The following CPAMD8 variants were observed in gnomAD, a reference collection of about 807,000 sequenced individuals.
The protein encoded by CPAMD8 is C3 and PZP-like alpha-2-macroglobulin domain-containing protein 8.
Under a neutral mutation model 224.7 loss-of-function variants are expected in CPAMD8, and 146 were observed. The ratio of observed to expected loss-of-function variants is 0.65; its 90% CI spans 0.57 to 0.75. The LOEUF (loss-of-function observed/expected upper bound fraction) is 0.75. Ranked by LOEUF, CPAMD8 falls within the 30% of genes least tolerant of loss-of-function variation. The pLI is 0.00. For missense variants in CPAMD8, 2,301 were observed against 2,537.5 expected (o/e 0.91, Z 2.00); for synonymous variants, 966 against 1,044.6 (o/e 0.92, Z 1.45).
intron 8 of CPAMD8, among the ~76,000 whole-genome samples, chr19:17,003,196 C>A (rs1007990540): frequency 6.6e-6 from 1 of 151,520 alleles, no homozygotes; most frequent in Admixed American, 6.6e-5. Flanking sequence ...AGCTGCCATG[C>A]CTGGCCACCT....
At position 16,904,211 on chromosome 19, in the gene CPAMD8, C is replaced by A. The variant is rs768919131; in HGVS notation, c.4251+15G>T. The A allele has an allele frequency of 9.6e-6, 11 of 1,149,724 alleles. No homozygotes were observed. Among genetic ancestry groups the A allele is most frequent in the Non-Finnish European group, 1.3e-5 (11 of 825,086 alleles). The allele number at this position is 1,149,724 out of a possible 1,614,324, so 71.2% of individuals were successfully genotyped here. On this transcript the variant is annotated intron_variant, in intron 32 of 41. Transcript: ENST00000443236. ...CCCAGCCCTGAGCCCCTCCCTCTGG[C>A]CCTGCCCGGCTCGCCTGAGTGGAGG... is the stretch of plus-strand genomic sequence containing the variant.
chr19:17,014,703 G>T (rs1029942917), intron 3 of CPAMD8, among the ~76,000 whole-genome samples: 3 of 152,172 alleles, frequency 2.0e-5, no homozygotes, highest in Non-Finnish European at 4.4e-5. Flanking sequence ...CATGAGAACA[G>T]TATGGGGGAA....
At chr19:17,021,473 C>G (rs955164876) in intron 2 of CPAMD8, among the ~76,000 whole-genome samples, 1 of 152,208 alleles carries the variant, frequency 6.6e-6, no homozygotes, top group Non-Finnish European at 1.5e-5. Context: ...ACATCATTCT[C>G]GGCATGAGGA....
intron 5 of CPAMD8, 83 bp from the exon 6 acceptor site, chr19:17,009,403 C>T: frequency 1.2e-6 from 2 of 1,608,814 alleles, no homozygotes; most frequent in South Asian, 2.2e-5. Flanking sequence ...GGCCTCGGTC[C>T]CCGGGACAGG....
rs763244978 is a variant in CPAMD8 at position 17,004,398 on chromosome 19, G to C, written c.560-12C>G. The C allele has an allele frequency of 1.9e-6, 3 of 1,571,992 alleles. No individual in the cohort carries two copies. Among genetic ancestry groups the C allele is most frequent in the Non-Finnish European group, 1.8e-6 (2 of 1,141,760 alleles). On this transcript the variant is annotated splice_polypyrimidine_tract_variant and intron_variant, in intron 7 of 41. Coordinates refer to ENST00000443236, the MANE Select transcript of CPAMD8 (RefSeq NM_015692.5). ...CATGTTGGTGATGCCTGTGTGAAGA[G>C]AGAGGGCAAGGGCTTTTTCAGAGAG...
intron 20 of CPAMD8, among the ~76,000 whole-genome samples, chr19:16,951,495 C>T (rs2054295045): frequency 6.6e-6 from 1 of 152,156 alleles, no homozygotes; most frequent in African/African-American, 2.4e-5. Context: ...ATCTAGGTTG[C>T]TTTTATGCTA....
At position 17,006,775 on chromosome 19, in the gene CPAMD8, G is replaced by A. The variant is rs549910832; in HGVS notation, c.559+1730C>T. On this transcript the variant is annotated intron_variant, in intron 7 of 41. Transcript: ENST00000443236. ...GTTGCTGAAAAGGATCCTCCTTCAGGCAGCCTTCCAGGATTGCCTCTGCCA... is the reference window on the plus strand; with the variant it reads ...GTTGCTGAAAAGGATCCTCCTTCAGACAGCCTTCCAGGATTGCCTCTGCCA... Among the ~76,000 whole-genome samples the A allele has an allele frequency of 2.6e-5, 4 of 152,176 alleles. No homozygotes were observed. In the South Asian group the frequency reaches 8.3e-4, roughly 32 times the overall value.
intron 12 of CPAMD8, among the ~76,000 whole-genome samples, chr19:16,990,691 T>C (rs975311601): frequency 1.3e-5 from 2 of 151,676 alleles, no homozygotes; most frequent in Non-Finnish European, 2.9e-5. Context: ...GGTGAAACCC[T>C]GTCTCTACTA....
At chr19:16,962,126 C>G (rs2054678797) in intron 18 of CPAMD8, among the ~76,000 whole-genome samples, 1 of 152,200 alleles carries the variant, frequency 6.6e-6, no homozygotes, top group Admixed American at 6.5e-5. Flanking sequence ...ACCTGCGCGC[C>G]TCTTCTCCTC....
intron 20 of CPAMD8, among the ~76,000 whole-genome samples, chr19:16,950,229 C>A (rs1014381141): frequency 6.6e-6 from 1 of 152,006 alleles, no homozygotes; most frequent in Admixed American, 6.6e-5. Context: ...ACCCGGGAGG[C>A]GGAGGTTGCA....
intron 3 of CPAMD8, among the ~76,000 whole-genome samples, chr19:17,013,652 G>A (rs780774783): frequency 8.1e-4 from 123 of 151,814 alleles, no homozygotes; most frequent in Non-Finnish European, 1.3e-3. Flanking sequence ...CTGGGAGAAG[G>A]GAGTGGGGAG....
At chr19:16,904,186 C>A in intron 32 of CPAMD8, 40 bp downstream of exon 32, 1 of 1,372,988 alleles carries the variant, frequency 7.3e-7, no homozygotes, top group Non-Finnish European at 1.0e-6. Flanking sequence ...ACCCCACCCA[C>A]CCAGCCCTGA....
chr19:17,013,322 A>G (rs2353205), intron 3 of CPAMD8: 108,240 of 151,818 alleles, frequency 0.71, 40,913 homozygotes, highest in South Asian at 0.83. Flanking sequence ...CAGCCCAGCC[A>G]ACATGGTGAA....
chr19:16,918,056 C>T (rs12462569), intron 27 of CPAMD8, among the ~76,000 whole-genome samples: 75,466 of 151,994 alleles, frequency 0.5, 20,334 homozygotes, highest in Non-Finnish European at 0.6. Flanking sequence ...AGTGCAGTGG[C>T]ACAATCTCGG....
intron 39 of CPAMD8, chr19:16,896,990 A>ACCCC: frequency 1.5e-5 from 2 of 134,952 alleles, no homozygotes; most frequent in African/African-American, 4.6e-5. Context: ...ACCCACCCCA[A>ACCCC]CCCCACCCCC....
chr19:16,981,362 A>G (rs903323467), intron 13 of CPAMD8, among the ~76,000 whole-genome samples: 2 of 135,046 alleles, frequency 1.5e-5, no homozygotes, highest in Non-Finnish European at 3.1e-5. Context: ...CCCTGTCTCC[A>G]AAAAAAAATA....
At chr19:16,996,149 TC>T (rs1401649391) in intron 11 of CPAMD8, among the ~76,000 whole-genome samples, 1 of 148,552 alleles carries the variant, frequency 6.7e-6, no homozygotes, top group Non-Finnish European at 1.5e-5. Flanking sequence ...GACTCTTGTC[TC>T]AAAATAAATA....
intron 20 of CPAMD8, among the ~76,000 whole-genome samples, chr19:16,949,032 A>AGAAG (rs1171130608): frequency 7.9e-6 from 1 of 127,042 alleles, no homozygotes; most frequent in Non-Finnish European, 1.6e-5. Flanking sequence ...AAAGAAAGAA[A>AGAAG]GAAGGAAGGA....
chr19:16,975,117 C>T lies in CPAMD8; in HGVS notation c.2050G>A (p.Asp684Asn). The change falls in exon 17 of 42, where the codon GAC (aspartate) becomes AAC (asparagine). Residue 684 changes from aspartate (D) to asparagine (N), a missense_variant. Transcript: ENST00000443236. ...VFPWPWGITK[D>N]SGFAFTETGL... ...CTTACGGTGAAGGCAAACCCAGAGTCCTTGGTGATGCCCCAAGGCCACGGG... is the reference window on the plus strand; with the variant it reads ...CTTACGGTGAAGGCAAACCCAGAGTTCTTGGTGATGCCCCAAGGCCACGGG... 2 of 1,612,632 alleles carry T rather than the reference C, an allele frequency of 1.2e-6. No individual in the cohort carries two copies. Among genetic ancestry groups the T allele is most frequent in the Non-Finnish European group, 1.7e-6 (2 of 1,179,786 alleles).
Sources: gnomAD v4.1 joint callset for allele counts (sites outside exome capture counted in the v4.1 genomes callset) on GRCh38, gnomAD v4.1.1 for gene constraint, MANE v1.5 for transcripts, NCBI Gene and HGNC (gene_info 2026-07-23, HGNC 2026-07-21) for gene names.